The following ARHGAP17 variants were observed in gnomAD, a reference collection of about 807,000 sequenced individuals.
ARHGAP17 encodes rho GTPase-activating protein 17.
In ARHGAP17, 57 loss-of-function variants were observed where a neutral mutation model predicts 99.5. The observed-to-expected ratio is 0.57, with a 90% CI of 0.46 to 0.71. ARHGAP17 has a LOEUF of 0.71. ARHGAP17 is among the 30% of genes least tolerant of loss of function. ARHGAP17 has a pLI of 0.00. For missense variants in ARHGAP17, 1,000 were observed against 1,122.4 expected (o/e 0.89, Z 1.56); for synonymous variants, 417 against 429.6 (o/e 0.97, Z 0.36).
rs555222828 is a variant in ARHGAP17 at position 25,004,235 on chromosome 16, G to T, written c.53+10974C>A. On this transcript the variant is annotated intron_variant, in intron 1 of 19. Coordinates refer to ENST00000289968, the MANE Select transcript of ARHGAP17 (RefSeq NM_001006634.3). ...GGCCAGGAGTTGGAGACCAGCCTGG[G>T]CAACATAGCAAGACTCTGCCTCCAT... Among the ~76,000 whole-genome samples, 7 of 152,204 alleles carry T rather than the reference G, an allele frequency of 4.6e-5. No individual in the cohort carries two copies. In the East Asian group the frequency reaches 1.4e-3, roughly 29 times the overall value.
At chr16:24,931,552 G>T in intron 18 of ARHGAP17, 148 bp from the exon 19 acceptor site, 1 of 745,576 alleles carries the variant, frequency 1.3e-6, no homozygotes, top group Non-Finnish European at 1.9e-6. Context: ...GCACCACACT[G>T]TGTCTTCCTC....
intron 1 of ARHGAP17, among the ~76,000 whole-genome samples, chr16:25,000,446 T>C (rs1034092126): frequency 5.3e-5 from 8 of 152,208 alleles, no homozygotes; most frequent in African/African-American, 1.7e-4. Context: ...GCAGGCTTTC[T>C]TGAGCTGCCG....
chr16:24,930,114 C>G (rs2050943012), intron 19 of ARHGAP17, among the ~76,000 whole-genome samples: 1 of 152,094 alleles, frequency 6.6e-6, no homozygotes, highest in Non-Finnish European at 1.5e-5. Context: ...TAAAAATATG[C>G]CATTAGGTAG....
chr16:24,929,399 C>T (rs1439988109), intron 19 of ARHGAP17, among the ~76,000 whole-genome samples: 2 of 152,240 alleles, frequency 1.3e-5, no homozygotes, highest in South Asian at 2.1e-4. Flanking sequence ...ATCTACTCCT[C>T]GAATTTGAAG....
In ARHGAP17 at chr16:24,939,647, G is replaced by A. The variant is rs748662425; in HGVS notation, c.1491-50C>T. ...ACACACCATGCGAGCAGACTACTGAGACAGAAGCCCATCGGTCCACATGTG... is the reference window on the plus strand; with the variant it reads ...ACACACCATGCGAGCAGACTACTGAAACAGAAGCCCATCGGTCCACATGTG... On this transcript the variant is annotated intron_variant, in intron 16 of 19. Transcript: ENST00000289968. 3 of 1,532,726 alleles carry A rather than the reference G, an allele frequency of 2.0e-6. No homozygotes were observed. The African/African-American group carries it at 4.1e-5, about 21-fold the overall frequency. The allele number at this position is 1,532,726 out of a possible 1,614,324, so 94.9% of individuals were successfully genotyped here.
At chr16:24,922,524 A>G (rs2050743328) in intron 19 of ARHGAP17, among the ~76,000 whole-genome samples, 1 of 152,120 alleles carries the variant, frequency 6.6e-6, no homozygotes, top group African/African-American at 2.4e-5. Context: ...CACCTGCCCC[A>G]TCTGGTTTCC....
At chr16:25,000,939 G>C (rs753678700) in intron 1 of ARHGAP17, among the ~76,000 whole-genome samples, 36 of 152,218 alleles carry the variant, frequency 2.4e-4, no homozygotes, top group Non-Finnish European at 2.1e-4. Context: ...CGAAAATGAG[G>C]AGAACGTTGC....
rs1319492418 is a variant in ARHGAP17, at chr16:24,955,960, G to A, written c.725-1230C>T. ...CACCAGCCACTCTCAGAATTGTGGG[G>A]AGCCCTCCTCGTCTCTGGCCCGGCC... On this transcript the variant is annotated intron_variant, in intron 9 of 19. Transcript: ENST00000289968. This position sits in a 1 kb window ranked among gnomAD's most constrained non-coding sequence, Gnocchi z 4.0. 1.3e-5 allele frequency: 2 copies of A among 152,290 alleles called. No homozygotes were observed. The highest frequency in any genetic ancestry group is 2.9e-5 in the Non-Finnish European group (2 of 68,138). 9.4% of individuals were successfully genotyped at this position (152,290 alleles called of 1,614,324 possible).
At chr16:24,992,586 G>A (rs565332272) in intron 1 of ARHGAP17, among the ~76,000 whole-genome samples, 53 of 152,026 alleles carry the variant, frequency 3.5e-4, no homozygotes, top group Admixed American at 1.2e-3. Context: ...CGCCCACCTC[G>A]GCCTCCCAAA....
chr16:24,942,767 CAA>C (rs768002636), intron 15 of ARHGAP17, among the ~76,000 whole-genome samples: 38 of 69,488 alleles, frequency 5.5e-4, no homozygotes, highest in African/African-American at 5.7e-4. Context: ...GACTCTGTCT[CAA>C]AAAAAAAAAA....
At chr16:24,987,883 A>G (rs1015955731) in intron 1 of ARHGAP17, among the ~76,000 whole-genome samples, 9 of 152,270 alleles carry the variant, frequency 5.9e-5, no homozygotes, top group Admixed American at 5.9e-4. Flanking sequence ...GAGAAATAAG[A>G]CAGACTGTGA....
At chr16:24,958,969 T>C (rs577824428) in intron 9 of ARHGAP17, among the ~76,000 whole-genome samples, 37 of 150,820 alleles carry the variant, frequency 2.5e-4, no homozygotes, top group African/African-American at 8.5e-4. Flanking sequence ...AATGCTCTAA[T>C]GGTAAATCAG....
intron 17 of ARHGAP17, 98 bp from the exon 18 acceptor site, chr16:24,935,737 C>T (rs2051123017): frequency 1.5e-6 from 2 of 1,304,686 alleles, no homozygotes; most frequent in Admixed American, 1.9e-5. Flanking sequence ...AGAGTTTTCA[C>T]TTCGGCAGGC....
At chr16:24,988,455 T>C (rs1045647433) in intron 1 of ARHGAP17, among the ~76,000 whole-genome samples, 10 of 152,192 alleles carry the variant, frequency 6.6e-5, no homozygotes, top group Non-Finnish European at 1.0e-4. Context: ...AATAGTTCTA[T>C]ACTCTGCATT....
chr16:24,954,597 C>T lies in ARHGAP17; in HGVS notation c.852+6G>A. 6.2e-7 allele frequency: 1 copy of T among 1,611,874 alleles called. No homozygotes were observed. Among genetic ancestry groups the T allele is most frequent in the South Asian group, 1.1e-5 (1 of 90,704 alleles). On this transcript the variant is annotated splice_donor_region_variant and intron_variant, in intron 10 of 19. Transcript: ENST00000289968. ...TTGGTGCACAGGATCACGAAGCTCC[C>T]CTCACCTCCTCCTTCATGCCTGTCT...
intron 1 of ARHGAP17, among the ~76,000 whole-genome samples, chr16:25,005,873 C>T (rs1026233015): frequency 3.3e-5 from 5 of 152,122 alleles, no homozygotes; most frequent in Admixed American, 6.5e-5. Flanking sequence ...CACATTATTG[C>T]GCAACATCAC....
intron 18 of ARHGAP17, among the ~76,000 whole-genome samples, chr16:24,933,499 GA>G (rs555711611): frequency 3.4e-4 from 47 of 137,678 alleles, no homozygotes; most frequent in East Asian, 6.3e-4. Context: ...CATAAGAAAG[GA>G]AAAAAAAAAA....
rs559430625 is a variant in ARHGAP17, at chr16:24,936,979, C to T, written c.1725-1340G>A. Among the ~76,000 whole-genome samples the T allele has an allele frequency of 2.0e-5, 3 of 151,062 alleles. No homozygotes were observed. The East Asian group carries it at 5.9e-4, about 30-fold the overall frequency. On this transcript the variant is annotated intron_variant, in intron 17 of 19. Transcript: ENST00000289968. ...CAAAAATTTAAAAAAATTAGCTGGG[C>T]ATGGGGATGCACTACTATAGTCCCA... is the stretch of plus-strand genomic sequence containing the variant.
Position 24,938,296 on chromosome 16 carries a change from G to A in ARHGAP17, c.1724+1068C>T, listed in dbSNP as rs149331092. Reference sequence around the variant, plus strand: ...AGAGAATCACTTGAACCCGGGAGACGGAGGTTGCAGTGAACCGAGATTGCA... The same window carrying A: ...AGAGAATCACTTGAACCCGGGAGACAGAGGTTGCAGTGAACCGAGATTGCA... On this transcript the variant is annotated intron_variant, in intron 17 of 19. Transcript: ENST00000289968. Among the ~76,000 whole-genome samples, 31 of 151,982 alleles carry A rather than the reference G, an allele frequency of 2.0e-4. No individual in the cohort carries two copies. In the East Asian group the frequency reaches 3.5e-3, roughly 17 times the overall value.
Sources: allele counts gnomAD v4.1 joint callset (sites outside exome capture counted in the v4.1 genomes callset), GRCh38; gene constraint gnomAD v4.1.1; non-coding constraint Gnocchi (gnomAD v3.1); transcripts MANE v1.5; gene names NCBI Gene and HGNC (gene_info 2026-07-23, HGNC 2026-07-21).